The following UBE2H variants were observed in gnomAD, a reference collection of about 807,000 sequenced individuals.
The protein encoded by UBE2H is ubiquitin-conjugating enzyme E2 H.
UBE2H carries 3 observed loss-of-function variants against 29.0 expected under a neutral mutation model. The observed-to-expected ratio is 0.10, with a 90% confidence interval of 0.05 to 0.27. UBE2H has a LOEUF of 0.27. UBE2H is among the 10% of genes least tolerant of loss of function. UBE2H has a pLI of 1.00. For missense variants in UBE2H, 68 were observed against 228.2 expected, an observed-to-expected ratio of 0.30 and a Z score of 4.52; for synonymous variants, 69 against 82.9, an observed-to-expected ratio of 0.83 and a Z score of 0.91.
At chr7:129,951,043 T>C (rs1204601271) in intron 1 of UBE2H, among the ~76,000 whole-genome samples, 3 of 152,190 alleles carry the variant, frequency 2.0e-5, no homozygotes, top group Non-Finnish European at 2.9e-5. Context: ...TAACCAAGTT[T>C]TCCCTGAGCA....
intron 1 of UBE2H, among the ~76,000 whole-genome samples, chr7:129,937,724 A>C (rs1436358409): frequency 1.3e-5 from 2 of 152,234 alleles, no homozygotes; most frequent in African/African-American, 4.8e-5. Flanking sequence ...TCCTTCTTCC[A>C]ACCATAAAAC....
At chr7:129,888,125 A>C (rs956467494) in intron 1 of UBE2H, among the ~76,000 whole-genome samples, 1 of 152,210 alleles carries the variant, frequency 6.6e-6, no homozygotes. Context: ...TGTCCAACAG[A>C]AAGGCTCCTG....
chr7:129,880,284 A>T (rs1259472608), intron 2 of UBE2H, among the ~76,000 whole-genome samples: 1 of 152,212 alleles, frequency 6.6e-6, no homozygotes. Context: ...AGGCGGGTGG[A>T]TCACCTGAGG....
intron 3 of UBE2H, among the ~76,000 whole-genome samples, chr7:129,869,945 C>T (rs1173647564): frequency 2.0e-5 from 3 of 152,194 alleles, no homozygotes; most frequent in African/African-American, 4.8e-5. Flanking sequence ...ATGACTGTTA[C>T]ATTTTACCAC....
chr7:129,866,934 A>G (rs1039549057), intron 3 of UBE2H, among the ~76,000 whole-genome samples: 2 of 152,240 alleles, frequency 1.3e-5, no homozygotes, highest in African/African-American at 4.8e-5. Flanking sequence ...AGTAACTGGC[A>G]TACAGTAAGC....
At chr7:129,927,885 G>A (rs1305182595) in intron 1 of UBE2H, among the ~76,000 whole-genome samples, 4 of 151,980 alleles carry the variant, frequency 2.6e-5, no homozygotes, top group East Asian at 1.9e-4. Context: ...GTGTGCATTC[G>A]AAGGTGACCA....
At position 129,911,658 on chromosome 7, in the gene UBE2H, G is replaced by T. The variant is rs115977643; in HGVS notation, c.54-30687C>A. ...ATGTTTTTTTTAATTATTTTTTAGAGACAGGGTCTCACTCTGTTGCCCAGG... is the reference window on the plus strand; with the variant it reads ...ATGTTTTTTTTAATTATTTTTTAGATACAGGGTCTCACTCTGTTGCCCAGG... On this transcript the variant is annotated intron_variant, in intron 1 of 6. Coordinates refer to ENST00000355621, the MANE Select transcript of UBE2H (RefSeq NM_003344.4). Among the ~76,000 whole-genome samples the T allele has an allele frequency of 8.6e-3, 1,306 of 152,048 alleles. 17 individuals carry two copies. The highest frequency in any genetic ancestry group is 0.03 in the African/African-American group (1,263 of 41,460).
At chr7:129,935,017 GTGTA>G (rs1807497713) in intron 1 of UBE2H, among the ~76,000 whole-genome samples, 1 of 151,262 alleles carries the variant, frequency 6.6e-6, no homozygotes, top group Admixed American at 6.6e-5. Flanking sequence ...GTGTGTGTGT[GTGTA>G]TATATATATA....
chr7:129,871,352 T>C lies in UBE2H; in HGVS notation c.205+8216A>G, dbSNP rs145851184. Among the ~76,000 whole-genome samples the C allele has an allele frequency of 4.4e-3, 669 of 152,308 alleles. 5 individuals carry two copies. Among genetic ancestry groups the C allele is most frequent in the African/African-American group, 0.014 (600 of 41,576 alleles). On this transcript the variant is annotated intron_variant, in intron 3 of 6. Transcript: ENST00000355621. ...TGGCTTATATTCTCATAGCATTATC[T>C]CTATTTATTTTTTTACAAAACCTTC...
chr7:129,850,947 T>C (rs149095345), intron 5 of UBE2H, among the ~76,000 whole-genome samples: 91 of 151,612 alleles, frequency 6.0e-4, no homozygotes, highest in African/African-American at 2.0e-3. Flanking sequence ...GATGGACAGA[T>C]GGATGCAGGG....
chr7:129,916,778 C>T (rs1026196897), intron 1 of UBE2H, among the ~76,000 whole-genome samples: 1 of 152,216 alleles, frequency 6.6e-6, no homozygotes, highest in East Asian at 1.9e-4. Context: ...GTGGCTCACA[C>T]CTGTAATTCC....
At chr7:129,943,001 C>T (rs1300318062) in intron 1 of UBE2H, among the ~76,000 whole-genome samples, 1 of 152,074 alleles carries the variant, frequency 6.6e-6, no homozygotes, top group African/African-American at 2.4e-5. Context: ...CACCACCACA[C>T]CCAGCTAGTT....
chr7:129,845,660 A>G (rs926057074), intron 5 of UBE2H, among the ~76,000 whole-genome samples: 1 of 152,262 alleles, frequency 6.6e-6, no homozygotes, highest in African/African-American at 2.4e-5. Flanking sequence ...CAATGTGGAC[A>G]TCTGGCAGAG....
chr7:129,891,673 G>A (rs1584769294), intron 1 of UBE2H, among the ~76,000 whole-genome samples: 2 of 151,884 alleles, frequency 1.3e-5, no homozygotes, highest in Non-Finnish European at 2.9e-5. Flanking sequence ...ATGGTGGCAC[G>A]TGCCTGTAAT....
intron 1 of UBE2H, among the ~76,000 whole-genome samples, chr7:129,883,706 G>A (rs1309870815): frequency 6.6e-6 from 1 of 152,192 alleles, no homozygotes; most frequent in African/African-American, 2.4e-5. Flanking sequence ...GCTGGGCGTG[G>A]TGGCGGGTGC....
At chr7:129,921,820 T>A (rs1419391043) in intron 1 of UBE2H, among the ~76,000 whole-genome samples, 1 of 152,184 alleles carries the variant, frequency 6.6e-6, no homozygotes, top group Non-Finnish European at 1.5e-5. Context: ...ATTACTGTTG[T>A]TTAAAATGTA....
At chr7:129,890,190 G>A (rs1444654785) in intron 1 of UBE2H, among the ~76,000 whole-genome samples, 1 of 151,850 alleles carries the variant, frequency 6.6e-6, no homozygotes, top group African/African-American at 2.4e-5. Flanking sequence ...GCCAGTCTGA[G>A]ACCTTAATTT....
At chr7:129,867,724 C>CAAAAAAAAAAA (rs1473451530) in intron 3 of UBE2H, among the ~76,000 whole-genome samples, 20 of 31,192 alleles carry the variant, frequency 6.4e-4, no homozygotes, top group South Asian at 1.4e-3. Flanking sequence ...AAAAGAAAAC[C>CAAAAAAAAAAA]AAAAAAAAAA....
At chr7:129,922,355 G>A (rs1263355661) in intron 1 of UBE2H, among the ~76,000 whole-genome samples, 1 of 151,816 alleles carries the variant, frequency 6.6e-6, no homozygotes, top group Non-Finnish European at 1.5e-5. Context: ...GCATGATCTC[G>A]GCTCACTGTA....
Sources: allele counts gnomAD v4.1 joint callset (sites outside exome capture counted in the v4.1 genomes callset), GRCh38; gene constraint gnomAD v4.1.1; transcripts MANE v1.5; gene names NCBI Gene and HGNC (gene_info 2026-07-23, HGNC 2026-07-21).